Variants in RB1CC1 observed in about 807,000 individuals in gnomAD.
The protein encoded by RB1CC1 is RB1-inducible coiled-coil protein 1.
In RB1CC1, 46 loss-of-function variants were observed where a neutral mutation model predicts 177.5. The observed-to-expected ratio is 0.26, with a 90% CI of 0.20 to 0.33. The LOEUF is 0.33. Ranked by LOEUF, RB1CC1 falls within the 10% of genes least tolerant of loss-of-function variation. The probability of loss-of-function intolerance (pLI) is 1.00; values close to 1 mark genes in which losing one functional copy is unlikely to be tolerated. For synonymous variants in RB1CC1, 666 were observed against 613.6 expected, an observed-to-expected ratio of 1.09 and a Z score of -1.26; for missense variants, 1,703 against 1,816.3, an observed-to-expected ratio of 0.94 and a Z score of 1.13.
intron 20 of RB1CC1, among the ~76,000 whole-genome samples, chr8:52,632,211 CTTGAAAGGGTGATAAAAACACCTA>C (rs1185498425): frequency 6.6e-6 from 1 of 152,122 alleles, no homozygotes; most frequent in Non-Finnish European, 1.5e-5. Flanking sequence ...GTCTTTGAAG[CTTGAAAGGGTGATAAAAACACCTA>C]TTTTTCCCAA....
chr8:52,663,845 T>A (rs1851835373), intron 8 of RB1CC1, among the ~76,000 whole-genome samples: 1 of 152,186 alleles, frequency 6.6e-6, no homozygotes. Flanking sequence ...TCCTACTATG[T>A]ATGTATCAGG....
intron 5 of RB1CC1, among the ~76,000 whole-genome samples, chr8:52,678,165 T>TC (rs1853320830): frequency 6.6e-6 from 1 of 152,150 alleles, no homozygotes; most frequent in South Asian, 2.1e-4. Context: ...TCACCTGTAA[T>TC]CCTAGTACTT....
At chr8:52,713,632 A>G (rs1359750017) in intron 1 of RB1CC1, among the ~76,000 whole-genome samples, 1 of 152,182 alleles carries the variant, frequency 6.6e-6, no homozygotes, top group African/African-American at 2.4e-5. Context: ...AGTCCAACAC[A>G]GAATTAAGGG....
intron 1 of RB1CC1, among the ~76,000 whole-genome samples, chr8:52,713,691 T>C (rs900553408): frequency 6.6e-5 from 10 of 152,174 alleles, no homozygotes; most frequent in African/African-American, 2.4e-4. Context: ...CTTGGGAGGT[T>C]CGGACGTCCC....
At chr8:52,695,595 C>G (rs1855324906) in intron 1 of RB1CC1, among the ~76,000 whole-genome samples, 1 of 152,172 alleles carries the variant, frequency 6.6e-6, no homozygotes, top group Non-Finnish European at 1.5e-5. Context: ...GTGGACAGTA[C>G]AGGATCAAGC....
intron 7 of RB1CC1, among the ~76,000 whole-genome samples, chr8:52,671,704 C>A (rs1852618774): frequency 6.6e-6 from 1 of 152,116 alleles, no homozygotes; most frequent in South Asian, 2.1e-4. Context: ...TATTTTTTAA[C>A]TTCAAACATT....
chr8:52,657,971 A>T lies in RB1CC1; in HGVS notation c.1920+27T>A, dbSNP rs1442947532. ...ACACAAACATTTTACACTAATGAAG[A>T]AAACTGTTTGAAAGAATTGAATTTG... is the stretch of plus-strand genomic sequence containing the variant. On this transcript the variant is annotated intron_variant, in intron 14 of 23. Transcript: ENST00000025008. 3.1e-6 allele frequency: 5 copies of T among 1,613,344 alleles called. No individual in the cohort carries two copies. The African/African-American group carries it at 6.7e-5, about 22-fold the overall frequency.
chr8:52,691,762 C>T (rs1435595770), intron 1 of RB1CC1, among the ~76,000 whole-genome samples: 2 of 152,170 alleles, frequency 1.3e-5, no homozygotes, highest in Non-Finnish European at 2.9e-5. Flanking sequence ...CCAAGAACAA[C>T]AGAGAAAAAT....
chr8:52,685,732 A>G lies in RB1CC1; in HGVS notation c.-51-212T>C, dbSNP rs2305426. Among the ~76,000 whole-genome samples, 8 of 152,334 alleles carry G rather than the reference A, an allele frequency of 5.3e-5. No individual in the cohort carries two copies. The East Asian group carries it at 1.4e-3, about 26-fold the overall frequency. On this transcript the variant is annotated intron_variant, in intron 2 of 23. Transcript: ENST00000025008. The stretch of plus-strand genomic sequence containing the variant: ...TAATGAGTTTAGTGAAAAGAAAAGC[A>G]TAACTGTTCTGCCACAGGAAAAAAA...
chr8:52,682,576 C>T (rs1022444365), intron 5 of RB1CC1, among the ~76,000 whole-genome samples: 1 of 151,836 alleles, frequency 6.6e-6, no homozygotes, highest in Non-Finnish European at 1.5e-5. Context: ...TTCATTCTTT[C>T]GTTGAATATA....
At chr8:52,674,351 A>G (rs1852886418) in intron 6 of RB1CC1, 77 bp from the exon 7 acceptor site, 4 of 1,256,700 alleles carry the variant, frequency 3.2e-6, no homozygotes, top group Non-Finnish European at 4.5e-6. Flanking sequence ...ATGAAATCAC[A>G]TATTATTATA....
chr8:52,710,741 C>G (rs1302706529), intron 1 of RB1CC1, among the ~76,000 whole-genome samples: 1 of 151,648 alleles, frequency 6.6e-6, no homozygotes, highest in Admixed American at 6.6e-5. Flanking sequence ...TTATATAAGA[C>G]AGGGAAAATG....
chr8:52,659,320 A>G (rs1161185238), intron 12 of RB1CC1, among the ~76,000 whole-genome samples: 2 of 152,060 alleles, frequency 1.3e-5, no homozygotes, highest in Admixed American at 1.3e-4. Context: ...GCGTATATAT[A>G]TAATATTTAC....
chr8:52,707,697 G>A (rs974000808), intron 1 of RB1CC1, among the ~76,000 whole-genome samples: 2 of 152,004 alleles, frequency 1.3e-5, no homozygotes, highest in African/African-American at 4.8e-5. Context: ...CCTTACTGTT[G>A]CCTACAGCAG....
In RB1CC1 at chr8:52,656,681, C is replaced by T. The variant is rs1851110079; in HGVS notation, c.3148G>A (p.Val1050Ile). 6.2e-7 allele frequency: 1 copy of T among 1,613,704 alleles called. No individual in the cohort carries two copies. The highest frequency in any genetic ancestry group is 1.3e-5 in the African/African-American group (1 of 74,908). ...CATCTCGTGTCTGACAAATCAGAAA[C>T]CTTGAGTTTTAATTCCTGTAACTGT... ...EKQLQELKLK[V>I]SDLSDTRCKL... The change falls in exon 15 of 24, where the codon GTT (valine) becomes ATT (isoleucine). Residue 1050 changes from valine (V) to isoleucine (I), a missense_variant. This residue lies in a region of RB1CC1 where 1,169 missense variants were observed against 1,184.7 expected (regional missense o/e 0.99). Coordinates refer to ENST00000025008, the MANE Select transcript of RB1CC1 (RefSeq NM_014781.5).
In RB1CC1 at chr8:52,656,371, G is replaced by C. The variant is rs757748116; in HGVS notation, c.3458C>G (p.Ala1153Gly). Residue 1153 changes from alanine to glycine, a missense_variant, in exon 15 of 24, where the codon GCT (alanine) becomes GGT (glycine). Ala to Gly is a moderately conservative substitution (Grantham distance 60, BLOSUM62 0). Transcript: ENST00000025008. ...CAAAGATGTTACTTTGTTTAATTCAGCTTTAAGTATATTAGATTCTTCTTC... is the reference window on the plus strand; with the variant it reads ...CAAAGATGTTACTTTGTTTAATTCACCTTTAAGTATATTAGATTCTTCTTC... ...RHEEESNILK[A>G]ELNKVTSLHN... The C allele has an allele frequency of 8.1e-6, 13 of 1,610,562 alleles. No homozygotes were observed. Among genetic ancestry groups the C allele is most frequent in the Non-Finnish European group, 1.1e-5 (13 of 1,179,188 alleles).
At position 52,623,575 on chromosome 8, in the gene RB1CC1, A is replaced by T; in HGVS notation, c.*207T>A. 1.7e-6 allele frequency: 1 copy of T among 581,154 alleles called. No individual in the cohort carries two copies. Among genetic ancestry groups the T allele is most frequent in the Middle Eastern group, 2.7e-4 (1 of 3,688 alleles). 36.0% of individuals were successfully genotyped at this position (581,154 alleles called of 1,614,324 possible). On this transcript the variant is annotated 3_prime_UTR_variant, in exon 24 of 24. Transcript: ENST00000025008. The stretch of plus-strand genomic sequence containing the variant: ...GGTAAAAAAAAAAACCAAAAAACAA[A>T]AACCATTTTAATTCAGCCAAGGATT...
intron 15 of RB1CC1, among the ~76,000 whole-genome samples, chr8:52,646,288 C>G (rs757466950): frequency 9.9e-5 from 15 of 151,748 alleles, no homozygotes; most frequent in Non-Finnish European, 1.9e-4. Context: ...AAAGTGAGAC[C>G]CCGTCTCTTA....
intron 5 of RB1CC1, among the ~76,000 whole-genome samples, chr8:52,678,476 A>C (rs1213294274): frequency 6.6e-6 from 1 of 152,194 alleles, no homozygotes; most frequent in Non-Finnish European, 1.5e-5. Flanking sequence ...GGCTAAGGTC[A>C]GTTAGAAATG....
Sources: allele counts gnomAD v4.1 joint callset (sites outside exome capture counted in the v4.1 genomes callset), GRCh38; gene constraint gnomAD v4.1.1; regional missense constraint gnomAD v4.1.1; transcripts MANE v1.5; gene names NCBI Gene and HGNC (gene_info 2026-07-23, HGNC 2026-07-21).